Variants in COL13A1 observed in about 807,000 individuals in gnomAD.
The protein encoded by COL13A1 is collagen alpha-1(XIII) chain.
COL13A1 carries 89 observed loss-of-function variants against 130.9 expected under a neutral mutation model. The observed-to-expected ratio is 0.68, with a 90% CI of 0.57 to 0.81. The LOEUF is 0.81. Among genes scored for constraint, COL13A1 ranks in the 30% least tolerant of loss-of-function variants. The probability of loss-of-function intolerance (pLI) is 0.00; values close to 1 mark genes in which losing one functional copy is unlikely to be tolerated. For synonymous variants in COL13A1, 402 were observed against 341.6 expected (o/e 1.18, Z -1.95); for missense variants, 879 against 934.6 (o/e 0.94, Z 0.78).
chr10:69,946,478 A>G (rs1197598203), intron 37 of COL13A1, among the ~76,000 whole-genome samples: 1 of 152,246 alleles, frequency 6.6e-6, no homozygotes, highest in African/African-American at 2.4e-5. Context: ...TCTGCCTGAG[A>G]GAGCCCGCAC....
chr10:69,925,002 C>T lies in COL13A1; in HGVS notation c.1324C>T (p.Pro442Ser). 1 of 1,585,976 alleles carries T rather than the reference C, an allele frequency of 6.3e-7. No homozygotes were observed. Among genetic ancestry groups the T allele is most frequent in the African/African-American group, 1.3e-5 (1 of 74,132 alleles). ...AGCTGGAGAACAGGGACCAGATGGC[C>T]CCAAGGTATGTGCCTCTCCCTCCTG... ...GAAGEQGPDGPKGSKGEPGKG... is the reference protein window; with the variant it reads ...GAAGEQGPDGSKGSKGEPGKG... Residue 442 changes from proline to serine, a missense_variant, in exon 25 of 41, where the codon CCC (proline) becomes TCC (serine). By Grantham distance (74) the Pro-to-Ser change is moderately conservative. Around this residue, in one of 3 missense-constraint regions of COL13A1, gnomAD observed 715 missense variants for 721.0 expected, o/e 0.99. Coordinates refer to ENST00000645393, the MANE Select transcript of COL13A1 (RefSeq NM_001368882.1).
chr10:69,949,171 G>T (rs1359537707), intron 38 of COL13A1, among the ~76,000 whole-genome samples: 2 of 152,066 alleles, frequency 1.3e-5, no homozygotes, highest in Non-Finnish European at 2.9e-5. Flanking sequence ...CCTCAATCTT[G>T]CCTCCCATTC....
chr10:69,875,166 G>C lies in COL13A1; in HGVS notation c.435+3G>C. 2 of 1,613,968 alleles carry C rather than the reference G, an allele frequency of 1.2e-6. No homozygotes were observed. Among genetic ancestry groups the C allele is most frequent in the Non-Finnish European group, 1.7e-6 (2 of 1,179,880 alleles). Reference sequence around the variant, plus strand: ...CCATTGGGATGCCTGGACGTGTGGTGAGTTGGCCCGTTTGTACCTGCTCAG... The same window carrying C: ...CCATTGGGATGCCTGGACGTGTGGTCAGTTGGCCCGTTTGTACCTGCTCAG... On this transcript the variant is annotated splice_donor_region_variant and intron_variant, in intron 5 of 40. Transcript: ENST00000645393.
intron 2 of COL13A1, among the ~76,000 whole-genome samples, chr10:69,854,001 T>TA (rs1335589236): frequency 1.3e-5 from 2 of 152,116 alleles, no homozygotes; most frequent in Non-Finnish European, 2.9e-5. Flanking sequence ...AAAAACAAAC[T>TA]AAAAAAAATT....
chr10:69,810,034 C>T (rs1842545235), intron 1 of COL13A1, among the ~76,000 whole-genome samples: 1 of 152,110 alleles, frequency 6.6e-6, no homozygotes, highest in Non-Finnish European at 1.5e-5. Flanking sequence ...TTACTGTATA[C>T]TGTCTGTCTG....
intron 10 of COL13A1, among the ~76,000 whole-genome samples, chr10:69,890,378 C>T (rs2061053227): frequency 6.6e-6 from 1 of 152,238 alleles, no homozygotes; most frequent in Admixed American, 6.5e-5. Flanking sequence ...ACAAACAAAA[C>T]AGCCCTGGGC....
At chr10:69,889,375 C>G in intron 9 of COL13A1, 39 bp from the exon 10 acceptor site, 1 of 1,600,384 alleles carries the variant, frequency 6.2e-7, no homozygotes, top group Non-Finnish European at 8.5e-7. Flanking sequence ...TTCTGGGCTG[C>G]GAACAGTGCA....
intron 2 of COL13A1, among the ~76,000 whole-genome samples, chr10:69,831,964 C>T (rs980910013): frequency 1.3e-5 from 2 of 152,056 alleles, no homozygotes; most frequent in African/African-American, 4.8e-5. Context: ...ACACACTTGG[C>T]GGGAAATGAT....
At chr10:69,898,596 C>T in intron 13 of COL13A1, 101 bp from the exon 14 acceptor site, 3 of 921,692 alleles carry the variant, frequency 3.3e-6, no homozygotes, top group African/African-American at 1.6e-5. Context: ...GCTCCGGTCC[C>T]TCTTGGTTGC....
At chr10:69,892,050 G>A (rs543010788) in intron 10 of COL13A1, among the ~76,000 whole-genome samples, 2 of 152,132 alleles carry the variant, frequency 1.3e-5, no homozygotes, top group South Asian at 2.1e-4. Flanking sequence ...ACACTTGACC[G>A]CCTGTCCAGG....
intron 2 of COL13A1, among the ~76,000 whole-genome samples, chr10:69,835,728 T>G (rs1849875196): frequency 6.6e-6 from 1 of 152,218 alleles, no homozygotes; most frequent in Admixed American, 6.5e-5. Context: ...GGGACCCAAG[T>G]GCTACCCTGG....
At chr10:69,820,447 G>C (rs934050351) in intron 1 of COL13A1, among the ~76,000 whole-genome samples, 2 of 152,220 alleles carry the variant, frequency 1.3e-5, no homozygotes, top group Admixed American at 6.5e-5. Context: ...GTGCCTTCTG[G>C]GTGCCAGGCC....
intron 36 of COL13A1, 34 bp downstream of exon 36, chr10:69,944,212 A>C: frequency 6.3e-7 from 1 of 1,591,906 alleles, no homozygotes; most frequent in South Asian, 1.1e-5. Context: ...CTGGGCGGCC[A>C]GGAGGGAGAG....
At chr10:69,842,611 A>G (rs180792969) in intron 2 of COL13A1, among the ~76,000 whole-genome samples, 109 of 152,330 alleles carry the variant, frequency 7.2e-4, no homozygotes, top group African/African-American at 2.4e-3. Context: ...GCTGGGCTTC[A>G]GTGCTAGCTT....
At chr10:69,943,585 G>A (rs975474552) in intron 35 of COL13A1, among the ~76,000 whole-genome samples, 5 of 152,246 alleles carry the variant, frequency 3.3e-5, no homozygotes, top group East Asian at 1.9e-4. Flanking sequence ...AGCCAGTTCC[G>A]CAGGCCTGTG....
In COL13A1 at chr10:69,895,568, C is replaced by A. The variant is rs780496119; in HGVS notation, c.676C>A (p.Pro226Thr). ...TTCCCAGGGTCAGTGTGGAGAGTAC[C>A]CACACCGGGTAAGTGAACCCCTAAA... is the stretch of plus-strand genomic sequence containing the variant. ...KGEKGQCGEY[P>T]HRLLPLLNSV... The change falls in exon 13 of 41, where the codon CCA (proline) becomes ACA (threonine). Residue 226 changes from proline to threonine, a missense_variant. By Grantham distance (38) the Pro-to-Thr change is conservative. This residue lies in a region of COL13A1 where 715 missense variants were observed against 721.0 expected (regional missense o/e 0.99). Transcript: ENST00000645393. 2.5e-6 allele frequency: 4 copies of A among 1,613,908 alleles called. No homozygotes were observed. Among genetic ancestry groups the A allele is most frequent in the South Asian group, 1.1e-5 (1 of 91,078 alleles).
chr10:69,881,229 A>G (rs1471418201), intron 7 of COL13A1, among the ~76,000 whole-genome samples: 2 of 152,226 alleles, frequency 1.3e-5, no homozygotes, highest in Non-Finnish European at 2.9e-5. Flanking sequence ...ACCACACGTC[A>G]GGGTGGAAAG....
intron 35 of COL13A1, among the ~76,000 whole-genome samples, chr10:69,942,175 A>G (rs36075969): frequency 0.1 from 15,966 of 152,160 alleles, 969 homozygotes; most frequent in Middle Eastern, 0.23. Flanking sequence ...CCTCTGTGAG[A>G]GCCCCATCCT....
intron 19 of COL13A1, 63 bp downstream of exon 19, chr10:69,918,380 C>T (rs1329540327): frequency 1.9e-6 from 3 of 1,561,150 alleles, no homozygotes; most frequent in East Asian, 2.3e-5. Context: ...GCGGGCAGAG[C>T]TGGAAATCTT....
Sources: gnomAD v4.1 joint callset for allele counts (sites outside exome capture counted in the v4.1 genomes callset) on GRCh38, gnomAD v4.1.1 for gene constraint, gnomAD v4.1.1 regional missense constraint, MANE v1.5 for transcripts, NCBI Gene and HGNC (gene_info 2026-07-23, HGNC 2026-07-21) for gene names.